UHRF2: variants seen among roughly 807,000 people sequenced by gnomAD.
UHRF2 encodes the protein ubiquitin like with PHD and ring finger domains 2, also known as E3 ubiquitin-protein ligase UHRF2.
A neutral mutation model predicts 96.8 loss-of-function variants in UHRF2; 23 were observed. The observed-to-expected ratio is 0.24, with a 90% CI of 0.17 to 0.34. UHRF2 has a LOEUF of 0.34. Ranked by LOEUF, UHRF2 falls within the 10% of genes least tolerant of loss-of-function variation. The pLI is 1.00. For missense variants in UHRF2, 685 were observed against 981.5 expected (o/e 0.70, Z 4.04); for synonymous variants, 385 against 332.6 (o/e 1.16, Z -1.72).
intron 4 of UHRF2, among the ~76,000 whole-genome samples, chr9:6,467,170 G>A (rs1822916140): frequency 6.6e-6 from 1 of 152,128 alleles, no homozygotes; most frequent in Non-Finnish European, 1.5e-5. Flanking sequence ...TAGACTCTAA[G>A]GGAGAACCCA....
intron 14 of UHRF2, among the ~76,000 whole-genome samples, chr9:6,502,007 C>G (rs765568763): frequency 3.9e-5 from 6 of 152,168 alleles, no homozygotes; most frequent in African/African-American, 1.4e-4. Flanking sequence ...ATTATTGTGA[C>G]CTTGCTGCTA....
intron 11 of UHRF2, 116 bp downstream of exon 11, chr9:6,497,476 A>C (rs1587880749): frequency 3.4e-6 from 4 of 1,163,646 alleles, no homozygotes; most frequent in Non-Finnish European, 4.8e-6. Flanking sequence ...TTATATTGCT[A>C]CTTTTTCTGG....
At chr9:6,463,706 G>C (rs537232164) in intron 4 of UHRF2, among the ~76,000 whole-genome samples, 1 of 152,226 alleles carries the variant, frequency 6.6e-6, no homozygotes, top group Non-Finnish European at 1.5e-5. Context: ...CCTGAGCTCA[G>C]GCTATCTGCC....
At chr9:6,505,691 C>T (rs545347238) in intron 15 of UHRF2, among the ~76,000 whole-genome samples, 12 of 151,864 alleles carry the variant, frequency 7.9e-5, no homozygotes, top group South Asian at 2.1e-4. Context: ...ATTTTTTTTC[C>T]CCCTCTAGGG....
At chr9:6,433,724 CT>C (rs1213910787) in intron 2 of UHRF2, among the ~76,000 whole-genome samples, 189 bp from the exon 3 acceptor site, 1 of 152,180 alleles carries the variant, frequency 6.6e-6, no homozygotes, top group Admixed American at 6.5e-5. Context: ...TAGTTTTCAT[CT>C]TAGTCAATAG....
rs375972887 is a variant in UHRF2 at position 6,504,583 on chromosome 9, A to G, written c.2164-10A>G. The G allele has an allele frequency of 3.1e-6, 5 of 1,603,952 alleles. No homozygotes were observed. Among genetic ancestry groups the G allele is most frequent in the Non-Finnish European group, 4.3e-6 (5 of 1,172,650 alleles). Reference sequence around the variant, plus strand: ...AACTTTTCTTTCCTTATCCTTGGATACTGTTCTAGAATTTTCTGAAAAAAT... The same window carrying G: ...AACTTTTCTTTCCTTATCCTTGGATGCTGTTCTAGAATTTTCTGAAAAAAT... On this transcript the variant is annotated splice_polypyrimidine_tract_variant and intron_variant, in intron 14 of 15. Transcript: ENST00000276893.
chr9:6,425,162 C>G (rs1198448565), intron 2 of UHRF2, among the ~76,000 whole-genome samples: 1 of 152,168 alleles, frequency 6.6e-6, no homozygotes, highest in Non-Finnish European at 1.5e-5. Flanking sequence ...ACTTCACTGC[C>G]TTGAGGGCAG....
At chr9:6,483,198 G>A (rs1252484504) in intron 8 of UHRF2, among the ~76,000 whole-genome samples, 3 of 151,714 alleles carry the variant, frequency 2.0e-5, no homozygotes, top group Non-Finnish European at 4.4e-5. Flanking sequence ...GGTGGCAAGC[G>A]CCTATAATAC....
In UHRF2 at chr9:6,506,268, T is replaced by C; in HGVS notation, c.*89T>C. 2 of 1,527,416 alleles carry C rather than the reference T, an allele frequency of 1.3e-6. No individual in the cohort carries two copies. The highest frequency in any genetic ancestry group is 1.8e-6 in the Non-Finnish European group (2 of 1,124,068). The allele number at this position is 1,527,416 out of a possible 1,614,324, so 94.6% of individuals were successfully genotyped here. On this transcript the variant is annotated 3_prime_UTR_variant, in exon 16 of 16. Transcript: ENST00000276893. The stretch of plus-strand genomic sequence containing the variant: ...GGGGAGGGTGGAAGAAATGGTGGAC[T>C]GTATCTCTCACGTTCTGAAGCAGCT...
intron 3 of UHRF2, among the ~76,000 whole-genome samples, chr9:6,457,747 C>T (rs1396616230): frequency 6.6e-6 from 1 of 152,106 alleles, no homozygotes; most frequent in Non-Finnish European, 1.5e-5. Flanking sequence ...GCCTTTTCTG[C>T]GTCTGTTAAG....
chr9:6,480,462 G>C (rs147946411), intron 6 of UHRF2, among the ~76,000 whole-genome samples: 1 of 152,122 alleles, frequency 6.6e-6, no homozygotes, highest in South Asian at 2.1e-4. Context: ...ACTTTAGGAT[G>C]GTATAATTAG....
At chr9:6,420,800 C>A in intron 1 of UHRF2, 112 bp from the exon 2 acceptor site, 1 of 790,778 alleles carries the variant, frequency 1.3e-6, no homozygotes, top group Non-Finnish European at 2.1e-6. Flanking sequence ...GTTTTAAAAT[C>A]TCTAAACTGT....
rs527490448 is a variant in UHRF2 at position 6,461,924 on chromosome 9, C to G, written c.863+1133C>G. ...ATATGCATTTTTGTGCATTTCTTTT[C>G]TTTAGAATAAATTGTTAGATTTGTT... On this transcript the variant is annotated intron_variant, in intron 4 of 15. Coordinates refer to ENST00000276893, the MANE Select transcript of UHRF2 (RefSeq NM_152896.3). Among the ~76,000 whole-genome samples, 3 of 151,134 alleles carry G rather than the reference C, an allele frequency of 2.0e-5. No individual in the cohort carries two copies. In the East Asian group the frequency reaches 5.8e-4, roughly 29 times the overall value.
rs1822093490 is a variant in UHRF2 at position 6,455,022 on chromosome 9, T to C, written c.645-5551T>C. On this transcript the variant is annotated intron_variant, in intron 3 of 15. Transcript: ENST00000276893. Reference sequence around the variant, plus strand: ...GACCATACTTTGAGAACCACTGCTGTAGTAGCCTGGCCTACCTTTGATAGA... The same window carrying C: ...GACCATACTTTGAGAACCACTGCTGCAGTAGCCTGGCCTACCTTTGATAGA... Among the ~76,000 whole-genome samples, 3 of 152,362 alleles carry C rather than the reference T, an allele frequency of 2.0e-5. No homozygotes were observed. The South Asian group carries it at 6.2e-4, about 32-fold the overall frequency.
chr9:6,497,109 G>T, intron 10 of UHRF2, 89 bp from the exon 11 acceptor site: 1 of 1,155,406 alleles, frequency 8.7e-7, no homozygotes. Context: ...ATCAGGTAAG[G>T]TATAATTCAC....
At chr9:6,413,906 T>C (rs1453119920) in intron 1 of UHRF2, 3 of 346,800 alleles carry the variant, frequency 8.7e-6, no homozygotes, top group Non-Finnish European at 1.5e-5. Flanking sequence ...TCGCCGTTTG[T>C]ATTTGGTAGG....
At chr9:6,438,206 TC>T (rs1291715954) in intron 3 of UHRF2, among the ~76,000 whole-genome samples, 1 of 152,190 alleles carries the variant, frequency 6.6e-6, no homozygotes, top group Non-Finnish European at 1.5e-5. Context: ...AACCTAAACT[TC>T]CTACCAGTCA....
At chr9:6,465,816 T>A (rs951013607) in intron 4 of UHRF2, among the ~76,000 whole-genome samples, 2 of 152,206 alleles carry the variant, frequency 1.3e-5, no homozygotes, top group Non-Finnish European at 2.9e-5. Flanking sequence ...AACTTGGAGT[T>A]AAAGTTCATG....
intron 2 of UHRF2, among the ~76,000 whole-genome samples, chr9:6,431,097 C>T (rs1820539388): frequency 1.3e-5 from 2 of 152,114 alleles, no homozygotes; most frequent in African/African-American, 4.8e-5. Flanking sequence ...AGTATTTTTC[C>T]TCTGAACTGC....
Sources: allele counts gnomAD v4.1 joint callset (sites outside exome capture counted in the v4.1 genomes callset), GRCh38; gene constraint gnomAD v4.1.1; transcripts MANE v1.5; gene names NCBI Gene and HGNC (gene_info 2026-07-23, HGNC 2026-07-21).